The following LDLRAD4 variants were observed in gnomAD, a reference collection of about 807,000 sequenced individuals.
LDLRAD4 encodes the protein low density lipoprotein receptor class A domain containing 4.
A neutral mutation model predicts 17.0 loss-of-function variants in LDLRAD4; 5 were observed. That is an observed-to-expected ratio of 0.29 (90% confidence interval 0.15 to 0.62). The LOEUF is 0.62. Ranked by LOEUF, LDLRAD4 falls within the 20% of genes least tolerant of loss-of-function variation. LDLRAD4 has a pLI of 0.84. For synonymous variants in LDLRAD4, 168 were observed against 171.8 expected, an observed-to-expected ratio of 0.98 and a Z score of 0.17; for missense variants, 340 against 424.7, an observed-to-expected ratio of 0.80 and a Z score of 1.75.
At chr18:13,623,282 A>G (rs1423839942) in intron 4 of LDLRAD4, among the ~76,000 whole-genome samples, 4 of 152,202 alleles carry the variant, frequency 2.6e-5, no homozygotes, top group African/African-American at 9.7e-5. Flanking sequence ...AGGTCCCTTC[A>G]GGGCTGCACA....
chr18:13,595,192 T>C (rs182632528), intron 3 of LDLRAD4, among the ~76,000 whole-genome samples: 1 of 152,188 alleles, frequency 6.6e-6, no homozygotes, highest in Non-Finnish European at 1.5e-5. Context: ...ATTATGTTGA[T>C]TTTCTCTATT....
intron 3 of LDLRAD4, among the ~76,000 whole-genome samples, chr18:13,510,441 A>C (rs1348656524): frequency 6.6e-6 from 1 of 151,934 alleles, no homozygotes; most frequent in African/African-American, 2.4e-5. Flanking sequence ...ATGATGCAGG[A>C]GTCCTTTAGA....
At position 13,621,160 on chromosome 18, in the gene LDLRAD4, C is replaced by T. The variant is rs762230238; in HGVS notation, c.225C>T (p.Val75=). The change falls in exon 4 of 6, where the codon GTC becomes GTT. Residue 75 remains valine, a synonymous_variant. Coordinates refer to ENST00000359446, the Ensembl canonical transcript of LDLRAD4. This position sits in a 1 kb window ranked among gnomAD's most constrained non-coding sequence, Gnocchi z 5.5. ...AAATCATCATCATCGTCGTGGTGGT[C>T]ACGGTGATGGTGGTGGTCATCGTCT... 6.2e-7 allele frequency: 1 copy of T among 1,614,176 alleles called. No homozygotes were observed. Among genetic ancestry groups the T allele is most frequent in the Non-Finnish European group, 8.5e-7 (1 of 1,180,004 alleles).
At chr18:13,541,056 A>G (rs1040638717) in intron 3 of LDLRAD4, among the ~76,000 whole-genome samples, 6 of 152,144 alleles carry the variant, frequency 3.9e-5, no homozygotes, top group Non-Finnish European at 5.9e-5. Flanking sequence ...TCCAAGACAG[A>G]GTCTGCAGAG....
chr18:13,485,216 G>A (rs1360895764), intron 3 of LDLRAD4, among the ~76,000 whole-genome samples: 1 of 152,228 alleles, frequency 6.6e-6, no homozygotes, highest in Non-Finnish European at 1.5e-5. Flanking sequence ...TGCTCTCCAG[G>A]TGTCTGGCTG....
At chr18:13,416,744 A>G (rs2088935873) in intron 2 of LDLRAD4, among the ~76,000 whole-genome samples, 1 of 152,234 alleles carries the variant, frequency 6.6e-6, no homozygotes, top group South Asian at 2.1e-4. Context: ...TGCTCTATGC[A>G]ATGGAAGAAC....
At chr18:13,410,534 G>A (rs951728417) in intron 2 of LDLRAD4, among the ~76,000 whole-genome samples, 2 of 152,146 alleles carry the variant, frequency 1.3e-5, no homozygotes, top group Admixed American at 1.3e-4. Context: ...CCTTTTAATT[G>A]ACATTCAGTT....
At chr18:13,612,874 A>C in intron 3 of LDLRAD4, 1 of 1,388,290 alleles carries the variant, frequency 7.2e-7, no homozygotes, top group Non-Finnish European at 1.0e-6. Context: ...GAAGAGGAGA[A>C]GCTCTTTCTC....
intron 3 of LDLRAD4, among the ~76,000 whole-genome samples, chr18:13,620,473 C>T (rs1027971780): frequency 3.3e-5 from 5 of 152,234 alleles, no homozygotes; most frequent in Admixed American, 6.5e-5. Flanking sequence ...CGTGAGCCCT[C>T]GACCTGCTTC....
chr18:13,360,599 T>C (rs2083606937), intron 1 of LDLRAD4, among the ~76,000 whole-genome samples: 1 of 152,260 alleles, frequency 6.6e-6, no homozygotes, highest in South Asian at 2.1e-4. Context: ...TAAGTAGACA[T>C]GATCTGGATT....
chr18:13,570,333 G>T (rs764329663), intron 3 of LDLRAD4, among the ~76,000 whole-genome samples: 5 of 152,324 alleles, frequency 3.3e-5, no homozygotes, highest in Middle Eastern at 3.4e-3. Context: ...CCGTGACCTT[G>T]TCCTGCAGCT....
At chr18:13,296,566 C>T (rs1254420979) in intron 1 of LDLRAD4, among the ~76,000 whole-genome samples, 1 of 148,206 alleles carries the variant, frequency 6.7e-6, no homozygotes, top group East Asian at 2.0e-4. Flanking sequence ...CACCCTAGGA[C>T]TTCTCTTAAC....
At chr18:13,492,924 C>T (rs1339952794) in intron 3 of LDLRAD4, among the ~76,000 whole-genome samples, 2 of 152,124 alleles carry the variant, frequency 1.3e-5, no homozygotes, top group African/African-American at 2.4e-5. Context: ...TGCTACCAGC[C>T]TGGGCAGCAT....
chr18:13,555,041 G>A (rs1358800183), intron 3 of LDLRAD4, among the ~76,000 whole-genome samples: 1 of 152,154 alleles, frequency 6.6e-6, no homozygotes, highest in African/African-American at 2.4e-5. Flanking sequence ...GAAAACAGCA[G>A]ACAAATCCCA....
chr18:13,567,040 C>T (rs1184910083), intron 3 of LDLRAD4, among the ~76,000 whole-genome samples: 10 of 152,206 alleles, frequency 6.6e-5, no homozygotes, highest in African/African-American at 1.9e-4. Flanking sequence ...AACCAAGCCG[C>T]GCCTGGCCCA....
At chr18:13,642,245 G>A in intron 4 of LDLRAD4, 1 of 986,868 alleles carries the variant, frequency 1.0e-6, no homozygotes, top group South Asian at 4.7e-5. Flanking sequence ...CGCCGGGGCC[G>A]TCGGAGGCTC....
intron 1 of LDLRAD4, among the ~76,000 whole-genome samples, chr18:13,326,840 C>T (rs568736519): frequency 1.3e-5 from 2 of 152,096 alleles, no homozygotes; most frequent in East Asian, 1.9e-4. Flanking sequence ...ACGATCTTGG[C>T]TCACTGCAAG....
chr18:13,290,138 G>C lies in LDLRAD4; in HGVS notation c.-383+11950G>C, dbSNP rs140817129. Among the ~76,000 whole-genome samples, 616 of 152,320 alleles carry C rather than the reference G, an allele frequency of 4.0e-3. 6 individuals are homozygous for C. Among genetic ancestry groups the C allele is most frequent in the African/African-American group, 0.014 (593 of 41,574 alleles). ...GGGTAGTTGGTGCCTCCCCTTTGCT[G>C]ATGGGGCACCCATTCTTCCCCCTGG... On this transcript the variant is annotated intron_variant, in intron 1 of 5. Coordinates refer to ENST00000359446, the Ensembl canonical transcript of LDLRAD4.
intron 3 of LDLRAD4, among the ~76,000 whole-genome samples, chr18:13,449,986 T>G (rs2091692800): frequency 6.6e-6 from 1 of 152,258 alleles, no homozygotes; most frequent in Admixed American, 6.5e-5. Context: ...TGACTTCACG[T>G]GACTTTTTGT....
Sources: gnomAD v4.1 joint callset for allele counts (sites outside exome capture counted in the v4.1 genomes callset) on GRCh38, gnomAD v4.1.1 for gene constraint, Gnocchi (gnomAD v3.1) non-coding constraint, MANE v1.5 for transcripts, NCBI Gene and HGNC (gene_info 2026-07-23, HGNC 2026-07-21) for gene names.